Variants in ZNF385D observed in about 807,000 individuals in gnomAD.
ZNF385D encodes the protein zinc finger protein 659.
ZNF385D carries 15 observed loss-of-function variants against 35.8 expected under a neutral mutation model. The observed-to-expected ratio is 0.42, with a 90% CI of 0.28 to 0.64. The LOEUF (loss-of-function observed/expected upper bound fraction) is 0.64. ZNF385D is among the 30% of genes least tolerant of loss of function. The pLI, the probability that ZNF385D is intolerant of heterozygous loss-of-function variation, is 0.23. For synonymous variants in ZNF385D, 212 were observed against 186.8 expected (o/e 1.13, Z -1.10); for missense variants, 474 against 494.6 (o/e 0.96, Z 0.39).
intron 3 of ZNF385D, chr3:21,877,820 T>C (rs1698063198): frequency 6.6e-6 from 1 of 152,008 alleles, no homozygotes; most frequent in South Asian, 2.1e-4. Context: ...AGATATCTAA[T>C]CAAAGTAATC....
chr3:21,975,913 T>A (rs376532476), intron 3 of ZNF385D, among the ~76,000 whole-genome samples: 82 of 152,116 alleles, frequency 5.4e-4, no homozygotes, highest in South Asian at 2.1e-3. Flanking sequence ...GAGCCAAGCA[T>A]CAAGTGTGTT....
At chr3:22,309,489 G>A (rs1247701511) in intron 2 of ZNF385D, among the ~76,000 whole-genome samples, 1 of 152,016 alleles carries the variant, frequency 6.6e-6, no homozygotes, top group African/African-American at 2.4e-5. Context: ...ACTATATAGA[G>A]AGTATTAATA....
intron 3 of ZNF385D, among the ~76,000 whole-genome samples, chr3:21,851,336 G>C (rs1696376456): frequency 6.6e-6 from 1 of 152,042 alleles, no homozygotes; most frequent in Non-Finnish European, 1.5e-5. Flanking sequence ...GAGTGTGAAA[G>C]TTACAGTTGC....
intron 3 of ZNF385D, among the ~76,000 whole-genome samples, chr3:21,931,262 A>G (rs1383246682): frequency 6.6e-6 from 1 of 152,198 alleles, no homozygotes; most frequent in Non-Finnish European, 1.5e-5. Context: ...TTTACCCACT[A>G]GGAATGCCTA....
intron 3 of ZNF385D, among the ~76,000 whole-genome samples, chr3:21,977,627 T>C (rs1703714631): frequency 6.6e-6 from 1 of 152,006 alleles, no homozygotes; most frequent in Admixed American, 6.6e-5. Flanking sequence ...GAGATGATCC[T>C]GGGTAACACA....
chr3:22,107,353 C>CAG (rs1702279296), intron 3 of ZNF385D, among the ~76,000 whole-genome samples: 1 of 151,908 alleles, frequency 6.6e-6, no homozygotes, highest in Non-Finnish European at 1.5e-5. Flanking sequence ...GGCTATTTTC[C>CAG]TCTTGTCAGA....
chr3:22,275,801 C>A lies in ZNF385D; in HGVS notation c.106+96649G>T, dbSNP rs115261706. Among the ~76,000 whole-genome samples, 667 of 152,202 alleles carry A rather than the reference C, an allele frequency of 4.4e-3. 7 individuals carry two copies. Among genetic ancestry groups the A allele is most frequent in the African/African-American group, 0.015 (634 of 41,554 alleles). On this transcript the variant is annotated intron_variant, in intron 2 of 5. Transcript: ENST00000494108. ...CATGTTCTTTAAAGGTTCATGAGAA[C>A]TGGTGGAGCACAGTGGCTCACGCCT...
chr3:21,947,669 G>A (rs963824003), intron 3 of ZNF385D, among the ~76,000 whole-genome samples: 3 of 152,054 alleles, frequency 2.0e-5, no homozygotes, highest in Admixed American at 6.6e-5. Flanking sequence ...TTTTAAATTG[G>A]TCATTTGCAT....
chr3:21,765,810 G>C (rs2070807146), intron 3 of ZNF385D, among the ~76,000 whole-genome samples: 2 of 151,964 alleles, frequency 1.3e-5, no homozygotes, highest in African/African-American at 4.8e-5. Context: ...AGGCTAGGTA[G>C]GCTTTGGTTA....
chr3:22,267,032 T>C (rs1700930161), intron 2 of ZNF385D, among the ~76,000 whole-genome samples: 1 of 151,956 alleles, frequency 6.6e-6, no homozygotes, highest in Non-Finnish European at 1.5e-5. Flanking sequence ...GAAACAAAAG[T>C]AGATTAGGCA....
At chr3:21,883,631 G>A (rs767123939) in intron 3 of ZNF385D, among the ~76,000 whole-genome samples, 14 of 151,948 alleles carry the variant, frequency 9.2e-5, no homozygotes, top group Non-Finnish European at 1.8e-4. Flanking sequence ...GAAATTTGCT[G>A]GAAATGATGA....
intron 3 of ZNF385D, among the ~76,000 whole-genome samples, chr3:21,808,091 C>T (rs971001459): frequency 6.6e-5 from 10 of 151,786 alleles, no homozygotes; most frequent in African/African-American, 1.9e-4. Flanking sequence ...ATCAAGAGAC[C>T]GGAAGCCAAA....
intron 3 of ZNF385D, among the ~76,000 whole-genome samples, chr3:22,035,011 C>T (rs994387136): frequency 6.6e-6 from 1 of 151,956 alleles, no homozygotes; most frequent in African/African-American, 2.4e-5. Flanking sequence ...TTGTTTTGTA[C>T]ATAAAATTTG....
At chr3:22,088,888 CAAGAG>C (rs889496673) in intron 3 of ZNF385D, among the ~76,000 whole-genome samples, 4 of 151,964 alleles carry the variant, frequency 2.6e-5, no homozygotes, top group African/African-American at 9.7e-5. Flanking sequence ...TAAATAGCAT[CAAGAG>C]AAGACCGTAA....
intron 3 of ZNF385D, among the ~76,000 whole-genome samples, chr3:22,138,181 G>GGAA (rs1295368485): frequency 6.6e-6 from 1 of 152,014 alleles, no homozygotes; most frequent in Non-Finnish European, 1.5e-5. Context: ...ACAAACAAAT[G>GGAA]GAAGAACATT....
intron 3 of ZNF385D, among the ~76,000 whole-genome samples, chr3:21,526,622 A>G (rs1708240966): frequency 6.6e-6 from 1 of 152,186 alleles, no homozygotes; most frequent in South Asian, 2.1e-4. Context: ...GCCTATCACT[A>G]TTGACTGCTG....
intron 3 of ZNF385D, among the ~76,000 whole-genome samples, chr3:22,074,617 G>C (rs1170730212): frequency 6.6e-6 from 1 of 151,742 alleles, no homozygotes; most frequent in East Asian, 1.9e-4. Context: ...TCCATAGTTT[G>C]TTTAATTCCA....
chr3:21,882,981 C>A (rs1698355411), intron 3 of ZNF385D, among the ~76,000 whole-genome samples: 1 of 151,890 alleles, frequency 6.6e-6, no homozygotes, highest in South Asian at 2.1e-4. Context: ...TAATTTGACT[C>A]CTCACTATTG....
chr3:21,483,225 G>C (rs1332688561), intron 4 of ZNF385D, among the ~76,000 whole-genome samples: 1 of 152,144 alleles, frequency 6.6e-6, no homozygotes, highest in Non-Finnish European at 1.5e-5. Flanking sequence ...TGTCACATAA[G>C]TGGAATAGTA....
Sources: gnomAD v4.1 joint callset for allele counts (sites outside exome capture counted in the v4.1 genomes callset) on GRCh38, gnomAD v4.1.1 for gene constraint, MANE v1.5 for transcripts, NCBI Gene and HGNC (gene_info 2026-07-23, HGNC 2026-07-21) for gene names.